Variants in DLGAP2 observed in about 807,000 individuals in gnomAD.
The protein encoded by DLGAP2 is DLG associated protein 2, also known as disks large-associated protein 2.
In DLGAP2, 26 loss-of-function variants were observed where a neutral mutation model predicts 100.3. The ratio of observed to expected loss-of-function variants is 0.26; its 90% CI spans 0.19 to 0.36. The LOEUF (loss-of-function observed/expected upper bound fraction) is 0.36, where lower values mean the gene tolerates loss of function less well. DLGAP2 is among the 10% of genes least tolerant of loss of function. The pLI, the probability that DLGAP2 is intolerant of heterozygous loss-of-function variation, is 1.00. For missense variants in DLGAP2, 1,858 were observed against 1,453.2 expected, an observed-to-expected ratio of 1.28 and a Z score of -4.53; for synonymous variants, 886 against 630.1, an observed-to-expected ratio of 1.41 and a Z score of -6.08.
At chr8:1,287,459 G>C (rs1799952683) in intron 3 of DLGAP2, among the ~76,000 whole-genome samples, 1 of 113,152 alleles carries the variant, frequency 8.8e-6, no homozygotes, top group Non-Finnish European at 1.7e-5. Context: ...AGGGGAACTA[G>C]TTTCGGTTCA....
intron 3 of DLGAP2, among the ~76,000 whole-genome samples, chr8:1,283,327 C>G (rs1005671288): frequency 6.6e-6 from 1 of 152,258 alleles, no homozygotes; most frequent in South Asian, 2.1e-4. Context: ...GTGGTGTGAT[C>G]TGAACCCAGC....
chr8:1,521,081 A>C (rs1201722258), intron 4 of DLGAP2, among the ~76,000 whole-genome samples: 1 of 152,008 alleles, frequency 6.6e-6, no homozygotes, highest in Non-Finnish European at 1.5e-5. Context: ...TGTTGTTTTA[A>C]TTTGGAATAC....
chr8:1,152,809 C>A (rs940687371), intron 2 of DLGAP2, among the ~76,000 whole-genome samples: 1 of 152,144 alleles, frequency 6.6e-6, no homozygotes, highest in Non-Finnish European at 1.5e-5. Context: ...CACATTTTGC[C>A]TCTTAGTGGC....
At chr8:787,748 C>T (rs1821912340) in intron 1 of DLGAP2, among the ~76,000 whole-genome samples, 2 of 152,192 alleles carry the variant, frequency 1.3e-5, no homozygotes, top group Non-Finnish European at 2.9e-5. Context: ...AATGGTCACA[C>T]CCAAAAGTTC....
At chr8:1,070,986 G>A (rs1563175995) in intron 2 of DLGAP2, among the ~76,000 whole-genome samples, 1 of 152,164 alleles carries the variant, frequency 6.6e-6, no homozygotes, top group Non-Finnish European at 1.5e-5. Context: ...CAAATCAGAA[G>A]GGGCATTTTA....
At chr8:1,191,328 G>A (rs551572745) in intron 2 of DLGAP2, among the ~76,000 whole-genome samples, 171 of 151,922 alleles carry the variant, frequency 1.1e-3, no homozygotes, top group African/African-American at 2.8e-3. Flanking sequence ...CCGCCACCAC[G>A]CCCGGCTAAT....
intron 2 of DLGAP2, among the ~76,000 whole-genome samples, chr8:1,000,323 C>T (rs543807252): frequency 3.2e-4 from 48 of 150,128 alleles, no homozygotes; most frequent in Non-Finnish European, 5.5e-4. Context: ...TTCTCTAGAG[C>T]GGACAGATCC....
intron 2 of DLGAP2, among the ~76,000 whole-genome samples, chr8:1,228,192 C>T (rs912618842): frequency 4.6e-5 from 7 of 151,410 alleles, no homozygotes; most frequent in South Asian, 4.2e-4. Flanking sequence ...CAAACCTGCA[C>T]GTTGTGCACA....
chr8:1,203,703 C>G (rs1226837698), intron 2 of DLGAP2, among the ~76,000 whole-genome samples: 5 of 152,206 alleles, frequency 3.3e-5, no homozygotes, highest in Non-Finnish European at 5.9e-5. Flanking sequence ...TATTCTCGCT[C>G]TATACCCAAC....
chr8:1,673,272 T>G (rs1798735011), intron 10 of DLGAP2, among the ~76,000 whole-genome samples: 1 of 152,222 alleles, frequency 6.6e-6, no homozygotes, highest in Admixed American at 6.5e-5. Context: ...GTGCTCCCAC[T>G]GCAATTCTAG....
intron 13 of DLGAP2, among the ~76,000 whole-genome samples, chr8:1,695,421 G>T (rs1359931972): frequency 7.0e-6 from 1 of 142,398 alleles, no homozygotes; most frequent in Admixed American, 6.8e-5. Context: ...GAAAGAGGGG[G>T]CACAGCCATG....
Position 1,549,316 on chromosome 8 carries a change from A to G in DLGAP2, c.863A>G (p.Lys288Arg), listed in dbSNP as rs1302913316. ...SKSKERKPEGKPRPGMSSWWS... is the reference protein window; with the variant it reads ...SKSKERKPEGRPRPGMSSWWS... ...AGCAAGGAGCGCAAGCCGGAGGGCA[A>G]GCCCCGGCCCGGCATGAGCAGCTGG... The change falls in exon 5 of 15, where the codon AAG becomes AGG. Residue 288 changes from lysine (K) to arginine (R), a missense_variant. Coordinates refer to ENST00000637795, the MANE Select transcript of DLGAP2 (RefSeq NM_001346810.2). 3 of 1,612,842 alleles carry G rather than the reference A, an allele frequency of 1.9e-6. No individual in the cohort carries two copies.
chr8:797,817 C>G (rs1037959111), intron 1 of DLGAP2, among the ~76,000 whole-genome samples: 2 of 152,098 alleles, frequency 1.3e-5, no homozygotes, highest in Admixed American at 1.3e-4. Flanking sequence ...GGGGTGTGAT[C>G]TCTGCTCACT....
In DLGAP2 at chr8:834,953, T is replaced by C. The variant is rs546157643; in HGVS notation, c.19-72959T>C. 3.9e-5 allele frequency among the ~76,000 whole-genome samples: 6 copies of C among 152,350 alleles called. No individual in the cohort carries two copies. The South Asian group carries it at 1.2e-3, about 32-fold the overall frequency. On this transcript the variant is annotated intron_variant, in intron 1 of 14. Coordinates refer to ENST00000637795, the MANE Select transcript of DLGAP2 (RefSeq NM_001346810.2). ...AGGCTGTCACATTGTGTCATGTGTGTATGTGTGCCTGTCTCTGTGTGTGCA... is the reference window on the plus strand; with the variant it reads ...AGGCTGTCACATTGTGTCATGTGTGCATGTGTGCCTGTCTCTGTGTGTGCA...
At chr8:1,114,138 A>G (rs924388123) in intron 2 of DLGAP2, among the ~76,000 whole-genome samples, 20 of 152,124 alleles carry the variant, frequency 1.3e-4, no homozygotes, top group Non-Finnish European at 2.5e-4. Context: ...ATGTTCATCA[A>G]GGATATTGGC....
intron 4 of DLGAP2, among the ~76,000 whole-genome samples, chr8:1,535,735 C>G (rs1234743723): frequency 6.6e-6 from 1 of 152,214 alleles, no homozygotes; most frequent in Non-Finnish European, 1.5e-5. Flanking sequence ...AGGAGGTGAG[C>G]TCTGAGCAGA....
chr8:756,916 C>G (rs1820935698), intron 1 of DLGAP2, among the ~76,000 whole-genome samples: 2 of 152,312 alleles, frequency 1.3e-5, no homozygotes, highest in South Asian at 4.1e-4. Flanking sequence ...TGCGTTTTGG[C>G]AGACCCAGAT....
intron 2 of DLGAP2, among the ~76,000 whole-genome samples, chr8:964,934 C>G (rs189295806): frequency 1.3e-5 from 2 of 152,320 alleles, no homozygotes; most frequent in Admixed American, 6.5e-5. Flanking sequence ...TCACACGGCA[C>G]TGTCGCCACC....
At chr8:1,676,743 G>A (rs908148974) in intron 11 of DLGAP2, 125 bp downstream of exon 11, 20 of 920,576 alleles carry the variant, frequency 2.2e-5, no homozygotes, top group East Asian at 1.1e-4. Flanking sequence ...AGGGCCATAC[G>A]TTTATACTTT....
Sources: allele counts gnomAD v4.1 joint callset (sites outside exome capture counted in the v4.1 genomes callset), GRCh38; gene constraint gnomAD v4.1.1; transcripts MANE v1.5; gene names NCBI Gene and HGNC (gene_info 2026-07-23, HGNC 2026-07-21).